SHANK1: variants seen among roughly 807,000 people sequenced by gnomAD.
SHANK1 encodes the protein SH3 and multiple ankyrin repeat domains protein 1.
In SHANK1, 35 loss-of-function variants were observed where a neutral mutation model predicts 165.6. The observed-to-expected ratio is 0.21, with a 90% confidence interval of 0.16 to 0.28. The LOEUF is 0.28. SHANK1 is among the 10% of genes least tolerant of loss of function. The pLI is 1.00. For synonymous variants in SHANK1, 1,428 were observed against 1,384.8 expected, an observed-to-expected ratio of 1.03 and a Z score of -0.69; for missense variants, 2,681 against 3,036.4, an observed-to-expected ratio of 0.88 and a Z score of 2.75.
At chr19:50,692,741 C>A (rs1986580321) in intron 15 of SHANK1, among the ~76,000 whole-genome samples, 1 of 151,522 alleles carries the variant, frequency 6.6e-6, no homozygotes, top group Non-Finnish European at 1.5e-5. Flanking sequence ...TCCTGTGTAC[C>A]CCTCCTCTCT....
Position 50,718,042 on chromosome 19 carries a change from C to T in SHANK1, c.-43-1080G>A, listed in dbSNP as rs902681063. On this transcript the variant is annotated intron_variant, in intron 1 of 23. Transcript: ENST00000293441. The surrounding 1 kb of genome is among the most constrained non-coding windows in gnomAD (Gnocchi z 5.1). ...GAATGTCTGGTCTGGTCCCTCCCCC[C>T]AACACCAGGCCCGGTTCCTGCACCG... is the stretch of plus-strand genomic sequence containing the variant. 6.6e-6 allele frequency among the ~76,000 whole-genome samples: 1 copy of T among 152,064 alleles called. No individual in the cohort carries two copies. Among genetic ancestry groups the T allele is most frequent in the Non-Finnish European group, 1.5e-5 (1 of 68,002 alleles).
In SHANK1 at chr19:50,666,223, G is replaced by T; in HGVS notation, c.5737C>A (p.Pro1913Thr). ...DSHHGGASYV[P>T]ERTSSLQRQR... ...CGCTGCAGGGAGGAGGTCCTCTCGG[G>T]GACATAGCTGGCTCCCCCGTGGTGG... The change falls in exon 23 of 24, where the codon CCC becomes ACC. Residue 1913 changes from proline (P) to threonine (T), a missense_variant. Physicochemically the swap from Pro to Thr is conservative, Grantham distance 38. Around this residue, in one of 10 missense-constraint regions of SHANK1, gnomAD observed 1,713 missense variants for 1,630.2 expected, o/e 1.05. Transcript: ENST00000293441. 1 of 1,606,534 alleles carries T rather than the reference G, an allele frequency of 6.2e-7. No individual in the cohort carries two copies. Among genetic ancestry groups the T allele is most frequent in the Non-Finnish European group, 8.5e-7 (1 of 1,177,202 alleles).
At position 50,666,814 on chromosome 19, in the gene SHANK1, C is replaced by T; in HGVS notation, c.5146G>A (p.Ala1716Thr). The change falls in exon 23 of 24, where the codon GCC (alanine) becomes ACC (threonine). Residue 1716 changes from alanine to threonine, a missense_variant. Ala to Thr is a moderately conservative substitution (Grantham distance 58, BLOSUM62 0). Around this residue, in one of 10 missense-constraint regions of SHANK1, gnomAD observed 1,713 missense variants for 1,630.2 expected, o/e 1.05. Coordinates refer to ENST00000293441, the MANE Select transcript of SHANK1 (RefSeq NM_016148.5). ...AGCTCCGGCCCACTGGCCACACCGG[C>T]CCCAGCCCCGCCCCCACCCCCTGCG... ...GSAGGGGGAG[A>T]GVASGPELLD... The T allele has an allele frequency of 6.5e-7, 1 of 1,549,328 alleles. No individual in the cohort carries two copies.
At position 50,667,220 on chromosome 19, in the gene SHANK1, T is replaced by C. The variant is rs763099836; in HGVS notation, c.4740A>G (p.Pro1580=). The change falls in exon 23 of 24, where the codon CCA becomes CCG. Residue 1580 remains proline, a synonymous_variant. Coordinates refer to ENST00000293441, the MANE Select transcript of SHANK1 (RefSeq NM_016148.5). This position sits in a 1 kb window ranked among gnomAD's most constrained non-coding sequence, Gnocchi z 5.7. The stretch of plus-strand genomic sequence containing the variant: ...GAGGCCCAGGCGTGAGGGGCGACTC[T>C]GGCTTTTCGAAGCTGTTGGAGAATT... ...PLEFSNSFEK[P]ESPLTPGPPH... is the part of the protein sequence containing the mutation. 52 of 1,584,130 alleles carry C rather than the reference T, an allele frequency of 3.3e-5. No homozygotes were observed. Among genetic ancestry groups the C allele is most frequent in the Non-Finnish European group, 4.3e-5 (50 of 1,172,916 alleles).
chr19:50,666,726 G>T lies in SHANK1; in HGVS notation c.5234C>A (p.Pro1745Gln), dbSNP rs768251541. 4 of 1,571,976 alleles carry T rather than the reference G, an allele frequency of 2.5e-6. No homozygotes were observed. The African/African-American group carries it at 4.0e-5, about 16-fold the overall frequency. ...QAFGGSSTPG[P>Q]PYPPQLMTPS... The stretch of plus-strand genomic sequence containing the variant: ...AGTCATGAGCTGAGGAGGGTATGGC[G>T]GGCCGGGAGTACTGCTGCCCCCAAA... Residue 1745 changes from proline to glutamine, a missense_variant, in exon 23 of 24, where the codon CCG (proline) becomes CAG (glutamine). By Grantham distance (76) the Pro-to-Gln change is moderately conservative. Transcript: ENST00000293441.
chr19:50,688,758 C>G lies in SHANK1; in HGVS notation c.2172+86G>C. ...ATCCTGGTGCCAAAGGAGAATAAAACTGGGCAGCCAGATCCTGGTGTGAAT... is the reference window on the plus strand; with the variant it reads ...ATCCTGGTGCCAAAGGAGAATAAAAGTGGGCAGCCAGATCCTGGTGTGAAT... On this transcript the variant is annotated intron_variant, in intron 17 of 23. Transcript: ENST00000293441. The surrounding 1 kb of genome is among the most constrained non-coding windows in gnomAD (Gnocchi z 6.7). 1 of 1,419,774 alleles carries G rather than the reference C, an allele frequency of 7.0e-7. No individual in the cohort carries two copies. Among genetic ancestry groups the G allele is most frequent in the Non-Finnish European group, 9.6e-7 (1 of 1,046,796 alleles). 87.9% of individuals were successfully genotyped at this position (1,419,774 alleles called of 1,614,324 possible). A position where few individuals can be genotyped will look rare whatever the true frequency, so the allele number is the denominator to read the frequency against.
At chr19:50,691,875 G>A (rs1423973561) in intron 15 of SHANK1, among the ~76,000 whole-genome samples, 2 of 151,960 alleles carry the variant, frequency 1.3e-5, no homozygotes, top group African/African-American at 4.8e-5. Context: ...GTAGAGATGG[G>A]GGTCTCACTA....
intron 6 of SHANK1, 24 bp from the exon 7 acceptor site, chr19:50,712,138 T>C (rs1324617876): frequency 6.4e-7 from 1 of 1,555,590 alleles, no homozygotes; most frequent in East Asian, 2.3e-5. Flanking sequence ...GAGAACCCAG[T>C]AGAAAAACAC....
At chr19:50,703,095 G>A (rs2088888622) in intron 11 of SHANK1, among the ~76,000 whole-genome samples, 1 of 152,002 alleles carries the variant, frequency 6.6e-6, no homozygotes, top group African/African-American at 2.4e-5. Flanking sequence ...AGCCAGGTGG[G>A]CTTCCTGACC....
rs1170613578 is a variant in SHANK1, at chr19:50,667,073, G to T, written c.4887C>A (p.Ser1629Arg). The T allele has an allele frequency of 2.6e-6, 4 of 1,554,032 alleles. No individual in the cohort carries two copies. Among genetic ancestry groups the T allele is most frequent in the Non-Finnish European group, 3.5e-6 (4 of 1,154,422 alleles). The change falls in exon 23 of 24, where the codon AGC becomes AGA. Residue 1629 changes from serine to arginine, a missense_variant. By Grantham distance (110) the Ser-to-Arg change is moderately radical. Coordinates refer to ENST00000293441, the MANE Select transcript of SHANK1 (RefSeq NM_016148.5). This position sits in a 1 kb window ranked among gnomAD's most constrained non-coding sequence, Gnocchi z 5.7. ...CCCCCTGGGTCAGGGTGGCCACCTCGCTGTCATAGGATGTCAGGCTGGATG... is the reference window on the plus strand; with the variant it reads ...CCCCCTGGGTCAGGGTGGCCACCTCTCTGTCATAGGATGTCAGGCTGGATG... ...STASSLTSYD[S>R]EVATLTQGAS... is the part of the protein sequence containing the mutation.
Position 50,662,557 on chromosome 19 carries a change from G to A in SHANK1, c.5894C>T (p.Ala1965Val), listed in dbSNP as rs1985297755. 1.3e-6 allele frequency: 2 copies of A among 1,561,614 alleles called. No homozygotes were observed. The highest frequency in any genetic ancestry group is 2.7e-5 in the African/African-American group (2 of 73,788). Reference protein sequence around the residue: ...GTGVSPTAAAAPGATSPSASS... With the variant: ...GTGVSPTAAAVPGATSPSASS... ...GGCTGAGGGTGAGGTGGCCCCTGGG[G>A]CCGCAGCGGCTGTAGGGGAGACCCC... Residue 1965 changes from alanine (A) to valine (V), a missense_variant, in exon 24 of 24, where the codon GCC becomes GTC. Ala to Val is a moderately conservative substitution (Grantham distance 64). This residue lies in a region of SHANK1 where 1,713 missense variants were observed against 1,630.2 expected (regional missense o/e 1.05). Transcript: ENST00000293441. The surrounding 1 kb of genome is among the most constrained non-coding windows in gnomAD (Gnocchi z 7.7).
At chr19:50,687,872 G>C in intron 18 of SHANK1, 51 bp downstream of exon 18, 2 of 1,610,684 alleles carry the variant, frequency 1.2e-6, no homozygotes, top group Non-Finnish European at 1.7e-6. Flanking sequence ...GGCTCCCGCA[G>C]GGCTGAGCCT....
In SHANK1 at chr19:50,686,564, G is replaced by C. The variant is rs949806607; in HGVS notation, c.2458+180C>G. On this transcript the variant is annotated intron_variant, in intron 20 of 23. Coordinates refer to ENST00000293441, the MANE Select transcript of SHANK1 (RefSeq NM_016148.5). This position sits in a 1 kb window ranked among gnomAD's most constrained non-coding sequence, Gnocchi z 5.7. ...GTGGGCAGCACCCAGGGTGGGAAGGGGTGCGGGCAGGGAACGGGGCAGCCG... is the reference window on the plus strand; with the variant it reads ...GTGGGCAGCACCCAGGGTGGGAAGGCGTGCGGGCAGGGAACGGGGCAGCCG... 9.9e-5 allele frequency among the ~76,000 whole-genome samples: 15 copies of C among 152,168 alleles called. No individual in the cohort carries two copies. Among genetic ancestry groups the C allele is most frequent in the African/African-American group, 3.6e-4 (15 of 41,446 alleles).
At position 50,703,486 on chromosome 19, in the gene SHANK1, G is replaced by A; in HGVS notation, c.1553+14C>T. 2 of 1,531,090 alleles carry A rather than the reference G, an allele frequency of 1.3e-6. No homozygotes were observed. Among genetic ancestry groups the A allele is most frequent in the Non-Finnish European group, 1.7e-6 (2 of 1,143,098 alleles). The allele number at this position is 1,531,090 out of a possible 1,614,324, so 94.8% of individuals were successfully genotyped here. A position where few individuals can be genotyped will look rare whatever the true frequency, so the allele number is the denominator to read the frequency against. On this transcript the variant is annotated intron_variant, in intron 11 of 23. Transcript: ENST00000293441. Reference sequence around the variant, plus strand: ...CGGGGCTGGGGACTGTGGAGCCAGGGCTGCCTCCCCTACCTGGGCCGGCCT... The same window carrying A: ...CGGGGCTGGGGACTGTGGAGCCAGGACTGCCTCCCCTACCTGGGCCGGCCT...
intron 21 of SHANK1, among the ~76,000 whole-genome samples, chr19:50,684,229 G>GTT (rs199744718): frequency 0.37 from 54,995 of 146,950 alleles, 10,467 homozygotes; most frequent in Admixed American, 0.45. Flanking sequence ...AAGGAAGAAG[G>GTT]TTTTTTTTTT....
rs371197061 is a variant in SHANK1 at position 50,662,430 on chromosome 19, C to G, written c.6021G>C (p.Ser2007=). ...RAPSPSLLPA[S]EHKVSPAPRP... is the part of the protein sequence containing the mutation. ...TGGGCGCAGGGCTGACCTTGTGCTC[C>G]GAGGCGGGCAGCAGCGAGGGGCTGG... The change falls in exon 24 of 24, where the codon TCG becomes TCC. Residue 2007 remains serine, a synonymous_variant. Transcript: ENST00000293441. The surrounding 1 kb of genome is among the most constrained non-coding windows in gnomAD (Gnocchi z 7.7). 2 of 1,556,992 alleles carry G rather than the reference C, an allele frequency of 1.3e-6. No individual in the cohort carries two copies. Among genetic ancestry groups the G allele is most frequent in the Non-Finnish European group, 8.7e-7 (1 of 1,151,784 alleles).
chr19:50,682,317 G>A (rs1382302107), intron 21 of SHANK1, among the ~76,000 whole-genome samples: 1 of 152,188 alleles, frequency 6.6e-6, no homozygotes, highest in Non-Finnish European at 1.5e-5. Context: ...GCCTCCCAAA[G>A]TGCTGGGATT....
Position 50,666,806 on chromosome 19 carries a change from C to T in SHANK1, c.5154G>A (p.Val1718=), listed in dbSNP as rs1368136768. The T allele has an allele frequency of 3.2e-6, 5 of 1,549,782 alleles. No individual in the cohort carries two copies. Among genetic ancestry groups the T allele is most frequent in the Non-Finnish European group, 4.4e-6 (5 of 1,147,688 alleles). The change falls in exon 23 of 24, where the codon GTG becomes GTA. Residue 1718 remains valine, a synonymous_variant. Transcript: ENST00000293441. ...AGGGGGAGAG[V]ASGPELLDTY... The stretch of plus-strand genomic sequence containing the variant: ...TGTCCAGAAGCTCCGGCCCACTGGC[C>T]ACACCGGCCCCAGCCCCGCCCCCAC...
chr19:50,713,770 C>T lies in SHANK1; in HGVS notation c.792+28G>A, dbSNP rs772785292. 1.4e-5 allele frequency: 22 copies of T among 1,609,582 alleles called. No individual in the cohort carries two copies. The highest frequency in any genetic ancestry group is 1.7e-5 in the Admixed American group (1 of 59,876). ...GGGAAAAGGAGAGAGGGCCCCATGG[C>T]GGGGATGGGGGGTCCCCGAAGCCTC... On this transcript the variant is annotated intron_variant, in intron 6 of 23. Coordinates refer to ENST00000293441, the MANE Select transcript of SHANK1 (RefSeq NM_016148.5). This position sits in a 1 kb window ranked among gnomAD's most constrained non-coding sequence, Gnocchi z 6.2.
Sources: allele counts gnomAD v4.1 joint callset (sites outside exome capture counted in the v4.1 genomes callset), GRCh38; gene constraint gnomAD v4.1.1; regional missense constraint gnomAD v4.1.1; non-coding constraint Gnocchi (gnomAD v3.1); transcripts MANE v1.5; gene names NCBI Gene and HGNC (gene_info 2026-07-23, HGNC 2026-07-21).